The following GPD2 variants were observed in gnomAD, a reference collection of about 807,000 sequenced individuals.
GPD2 encodes glycerol-3-phosphate dehydrogenase 2.
Under a neutral mutation model 82.4 loss-of-function variants are expected in GPD2, and 54 were observed. The observed-to-expected ratio is 0.66, with a 90% confidence interval of 0.53 to 0.82. GPD2 has a LOEUF of 0.82. Ranked by LOEUF, GPD2 falls within the 40% of genes least tolerant of loss-of-function variation. The pLI is 0.00. For synonymous variants in GPD2, 288 were observed against 306.1 expected (o/e 0.94, Z 0.62); for missense variants, 748 against 896.2 (o/e 0.83, Z 2.11).
chr2:156,434,493 T>C (rs530258061), upstream of GPD2, among the ~76,000 whole-genome samples: 1 of 152,294 alleles, frequency 6.6e-6, no homozygotes, highest in African/African-American at 2.4e-5. Context: ...TAATTGTCTA[T>C]AGATTGTTCT....
At chr2:156,546,176 C>T (rs1686524666) in intron 6 of GPD2, among the ~76,000 whole-genome samples, 1 of 152,158 alleles carries the variant, frequency 6.6e-6, no homozygotes. Context: ...TTTCACAGTT[C>T]CCGTCTGGGT....
chr2:156,581,975 T>A (rs979508355), intron 16 of GPD2, among the ~76,000 whole-genome samples: 5 of 152,018 alleles, frequency 3.3e-5, no homozygotes, highest in Non-Finnish European at 2.9e-5. Flanking sequence ...ATATATAATG[T>A]GTATATATAT....
Position 156,550,664 on chromosome 2 carries a change from G to A in GPD2, c.889G>A (p.Val297Met). 6.2e-7 allele frequency: 1 copy of A among 1,613,968 alleles called. No individual in the cohort carries two copies. Among genetic ancestry groups the A allele is most frequent in the Non-Finnish European group, 8.5e-7 (1 of 1,179,846 alleles). Residue 297 changes from valine to methionine, a missense_variant, in exon 8 of 17, where the codon GTG (valine) becomes ATG (methionine). Physicochemically the swap from Val to Met is conservative, Grantham distance 21 (BLOSUM62 1). Coordinates refer to ENST00000438166, the MANE Select transcript of GPD2 (RefSeq NM_000408.5). ...TGCCACGGGACCTTTCACGGACTCT[G>A]TGCGCAAAATGGATGATAAAGACGC... is the stretch of plus-strand genomic sequence containing the variant. Reference protein sequence around the residue: ...INATGPFTDSVRKMDDKDAAA... With the variant: ...INATGPFTDSMRKMDDKDAAA...
At chr2:156,559,645 T>C (rs1306817673) in intron 9 of GPD2, among the ~76,000 whole-genome samples, 1 of 152,236 alleles carries the variant, frequency 6.6e-6, no homozygotes, top group Non-Finnish European at 1.5e-5. Flanking sequence ...TATTAATTGC[T>C]TTTAATCTAA....
At chr2:156,461,345 A>T (rs978190766) in intron 1 of GPD2, among the ~76,000 whole-genome samples, 14 of 151,954 alleles carry the variant, frequency 9.2e-5, no homozygotes, top group African/African-American at 2.9e-4. Flanking sequence ...CTGAAATATA[A>T]GTTTCATCGT....
intron 6 of GPD2, among the ~76,000 whole-genome samples, chr2:156,538,836 A>AG (rs1228840774): frequency 6.6e-6 from 1 of 151,168 alleles, no homozygotes; most frequent in East Asian, 2.0e-4. Flanking sequence ...AAAAAAAAAA[A>AG]AAGATCAGGA....
At chr2:156,434,524 A>T (rs150499081), upstream of GPD2, among the ~76,000 whole-genome samples, 40 of 152,336 alleles carry the variant, frequency 2.6e-4, no homozygotes, top group East Asian at 7.7e-3. Context: ...AATTCCAGGA[A>T]CATGAAGATA....
chr2:156,533,237 G>A (rs889697029), intron 6 of GPD2, among the ~76,000 whole-genome samples: 2 of 152,218 alleles, frequency 1.3e-5, no homozygotes, highest in African/African-American at 4.8e-5. Context: ...TAGCTAGATT[G>A]TGGTGGTTTC....
chr2:156,465,405 G>A (rs1463116036), intron 1 of GPD2, among the ~76,000 whole-genome samples: 12 of 125,404 alleles, frequency 9.6e-5, no homozygotes, highest in Admixed American at 3.8e-4. Context: ...TCTATCACCT[G>A]TGCTGGAGTG....
intron 3 of GPD2, among the ~76,000 whole-genome samples, chr2:156,510,529 T>C (rs956772785): frequency 8.5e-5 from 13 of 152,244 alleles, no homozygotes; most frequent in South Asian, 8.3e-4. Flanking sequence ...CCAGAGTATG[T>C]TACTGCCATG....
intron 6 of GPD2, among the ~76,000 whole-genome samples, chr2:156,533,838 C>T (rs1327671336): frequency 6.6e-6 from 1 of 152,218 alleles, no homozygotes; most frequent in Non-Finnish European, 1.5e-5. Flanking sequence ...AGGGGGAGCA[C>T]ACAGAAGGGC....
chr2:156,469,716 C>T (rs575156154), intron 1 of GPD2, among the ~76,000 whole-genome samples: 1 of 152,272 alleles, frequency 6.6e-6, no homozygotes, highest in African/African-American at 2.4e-5. Flanking sequence ...TACTCTCCGC[C>T]CCTCCATTGG....
intron 6 of GPD2, among the ~76,000 whole-genome samples, chr2:156,514,134 T>C (rs1021803328): frequency 6.6e-6 from 1 of 151,984 alleles, no homozygotes; most frequent in Non-Finnish European, 1.5e-5. Flanking sequence ...TCATTCTTTT[T>C]TTTTTTTTTT....
chr2:156,506,307 C>G (rs967652299), intron 3 of GPD2, among the ~76,000 whole-genome samples: 2 of 152,072 alleles, frequency 1.3e-5, no homozygotes, highest in African/African-American at 2.4e-5. Flanking sequence ...TCGTTTCTTT[C>G]CAGAAATTCT....
the GPD2 span, among the ~76,000 whole-genome samples, chr2:156,426,073 A>G: frequency 0.022 from 3,381 of 151,574 alleles, 77 homozygotes; most frequent in African/African-American, 0.061. Flanking sequence ...ACAGGCGCCC[A>G]CCACCACGCC....
At chr2:156,406,921 A>G in the GPD2 span, among the ~76,000 whole-genome samples, 1 of 152,202 alleles carries the variant, frequency 6.6e-6, no homozygotes, top group Admixed American at 6.5e-5. Flanking sequence ...TTCATTGAAA[A>G]GTATGCCTAG....
intron 1 of GPD2, among the ~76,000 whole-genome samples, chr2:156,468,933 A>G (rs902632041): frequency 1.3e-5 from 2 of 152,078 alleles, no homozygotes; most frequent in Non-Finnish European, 2.9e-5. Context: ...CATTCTAACT[A>G]TGTTTTTATA....
At chr2:156,524,436 T>C (rs1685532121) in intron 6 of GPD2, among the ~76,000 whole-genome samples, 1 of 152,200 alleles carries the variant, frequency 6.6e-6, no homozygotes, top group Non-Finnish European at 1.5e-5. Context: ...GCTGAAGTCT[T>C]CTAAAGGCTT....
intron 3 of GPD2, among the ~76,000 whole-genome samples, chr2:156,499,412 G>A (rs1225128225): frequency 6.6e-6 from 1 of 152,088 alleles, no homozygotes; most frequent in Non-Finnish European, 1.5e-5. Flanking sequence ...AGAGGAAATT[G>A]TTGAAATGTA....
Sources: gnomAD v4.1 joint callset for allele counts (sites outside exome capture counted in the v4.1 genomes callset) on GRCh38, gnomAD v4.1.1 for gene constraint, MANE v1.5 for transcripts, NCBI Gene and HGNC (gene_info 2026-07-23, HGNC 2026-07-21) for gene names.